Variants in ERC1 observed in about 807,000 individuals in gnomAD.
ERC1 encodes the protein ELKS/RAB6-interacting/CAST family member 1.
ERC1 carries 56 observed loss-of-function variants against 132.0 expected under a neutral mutation model. The observed-to-expected ratio is 0.42, with a 90% confidence interval of 0.34 to 0.53. The LOEUF (loss-of-function observed/expected upper bound fraction) is 0.53. Ranked by LOEUF, ERC1 falls within the 20% of genes least tolerant of loss-of-function variation. The pLI is 0.03. For missense variants in ERC1, 1,202 were observed against 1,349.9 expected (o/e 0.89, Z 1.72); for synonymous variants, 478 against 476.1 (o/e 1.00, Z -0.05).
chr12:1,224,680 T>TA (rs1374145552), intron 12 of ERC1, among the ~76,000 whole-genome samples: 1 of 151,454 alleles, frequency 6.6e-6, no homozygotes, highest in Non-Finnish European at 1.5e-5. Flanking sequence ...AAAAAAATGA[T>TA]AAAAAAGAAA....
intron 15 of ERC1, among the ~76,000 whole-genome samples, chr12:1,316,735 A>G (rs1027399294): frequency 1.3e-5 from 2 of 152,242 alleles, no homozygotes; most frequent in Non-Finnish European, 2.9e-5. Flanking sequence ...ATTACTGGAT[A>G]TATACCCAAA....
chr12:1,039,920 G>A (rs562249201), intron 2 of ERC1, among the ~76,000 whole-genome samples: 1 of 152,150 alleles, frequency 6.6e-6, no homozygotes, highest in East Asian at 1.9e-4. Flanking sequence ...CATCCAGCTC[G>A]ATTTGTGTTT....
chr12:1,267,115 A>G (rs1384184615), intron 14 of ERC1, among the ~76,000 whole-genome samples: 4 of 152,240 alleles, frequency 2.6e-5, no homozygotes, highest in African/African-American at 9.6e-5. Context: ...CGCTGAGCCC[A>G]TGCTAGAAAT....
At chr12:1,187,455 C>T (rs909094311) in intron 11 of ERC1, among the ~76,000 whole-genome samples, 4 of 150,660 alleles carry the variant, frequency 2.7e-5, no homozygotes, top group Admixed American at 6.6e-5. Context: ...TTTGTAGAGG[C>T]GAGGTCCCAT....
intron 6 of ERC1, among the ~76,000 whole-genome samples, chr12:1,113,814 C>T (rs981481647): frequency 3.3e-5 from 5 of 152,106 alleles, no homozygotes; most frequent in African/African-American, 1.2e-4. Flanking sequence ...CAGTGGCATT[C>T]GTATAATTTC....
At chr12:1,485,371 G>A (rs1417527652) in intron 18 of ERC1, among the ~76,000 whole-genome samples, 2 of 150,774 alleles carry the variant, frequency 1.3e-5, no homozygotes, top group African/African-American at 2.5e-5. Flanking sequence ...CGCCTGGCTA[G>A]TTTTTGTATT....
chr12:1,423,703 T>G (rs1418974790), intron 17 of ERC1, among the ~76,000 whole-genome samples: 3 of 152,184 alleles, frequency 2.0e-5, no homozygotes, highest in Non-Finnish European at 4.4e-5. Flanking sequence ...ATCGGAGATT[T>G]TTCTGCTTGT....
At chr12:1,423,558 A>G (rs2092507587) in intron 17 of ERC1, among the ~76,000 whole-genome samples, 1 of 152,242 alleles carries the variant, frequency 6.6e-6, no homozygotes, top group African/African-American at 2.4e-5. Context: ...TAATTGTCAC[A>G]TACAGTGTTC....
intron 2 of ERC1, among the ~76,000 whole-genome samples, chr12:1,065,158 A>T (rs1242531390): frequency 6.6e-6 from 1 of 151,768 alleles, no homozygotes; most frequent in Non-Finnish European, 1.5e-5. Flanking sequence ...GCACCATCAC[A>T]CCCAACTAAT....
chr12:1,137,745 AG>A (rs1949400390), intron 7 of ERC1, among the ~76,000 whole-genome samples: 1 of 151,520 alleles, frequency 6.6e-6, no homozygotes, highest in Non-Finnish European at 1.5e-5. Context: ...CCCAGCTACC[AG>A]GGAGGCTGAG....
At chr12:1,290,068 C>A (rs1025589202) in intron 15 of ERC1, 56 bp downstream of exon 15, 1 of 1,475,062 alleles carries the variant, frequency 6.8e-7, no homozygotes, top group Non-Finnish European at 9.4e-7. Context: ...TACTTTTTCT[C>A]CCTGCATTCA....
intron 15 of ERC1, among the ~76,000 whole-genome samples, chr12:1,323,594 A>G (rs2082256955): frequency 6.6e-6 from 1 of 152,204 alleles, no homozygotes; most frequent in Admixed American, 6.5e-5. Context: ...CACAAATCGT[A>G]ACTAGAATAC....
intron 18 of ERC1, among the ~76,000 whole-genome samples, chr12:1,479,713 CAG>C (rs148015275): frequency 2.0e-5 from 3 of 152,142 alleles, no homozygotes; most frequent in African/African-American, 7.2e-5. Context: ...GGGTTGGAAA[CAG>C]AGTTCACTGA....
intron 1 of ERC1, among the ~76,000 whole-genome samples, chr12:1,004,401 C>CTTTTTTT (rs71055118): frequency 6.0e-4 from 57 of 95,022 alleles, no homozygotes; most frequent in Non-Finnish European, 8.0e-4. Flanking sequence ...TTTTCTTTCT[C>CTTTTTTT]TTTTTTTTTT....
chr12:1,266,512 C>T (rs1022933334), intron 14 of ERC1, among the ~76,000 whole-genome samples: 5 of 142,830 alleles, frequency 3.5e-5, no homozygotes, highest in Admixed American at 7.4e-5. Flanking sequence ...TCAAGCCATT[C>T]TCCTGCCTCA....
At chr12:1,001,573 T>C (rs1314628262) in intron 1 of ERC1, among the ~76,000 whole-genome samples, 1 of 152,190 alleles carries the variant, frequency 6.6e-6, no homozygotes, top group Non-Finnish European at 1.5e-5. Context: ...AGAATCACCT[T>C]CTTTTTTTGT....
chr12:1,148,224 T>C (rs528941693), intron 8 of ERC1, among the ~76,000 whole-genome samples: 49 of 152,232 alleles, frequency 3.2e-4, no homozygotes, highest in Non-Finnish European at 6.5e-4. Flanking sequence ...GCTATAAAGA[T>C]ACTACCTGAG....
At chr12:1,045,470 A>G (rs1276175440) in intron 2 of ERC1, among the ~76,000 whole-genome samples, 1 of 152,092 alleles carries the variant, frequency 6.6e-6, no homozygotes, top group Non-Finnish European at 1.5e-5. Context: ...ATATATCTAG[A>G]CTCTTATAGA....
chr12:1,440,175 CTTTTT>C (rs1168381851), intron 17 of ERC1, among the ~76,000 whole-genome samples: 1 of 144,184 alleles, frequency 6.9e-6, no homozygotes, highest in Admixed American at 6.9e-5. Flanking sequence ...GAATTTCATT[CTTTTT>C]TAAGTTTTCT....
Sources: allele counts gnomAD v4.1 joint callset (sites outside exome capture counted in the v4.1 genomes callset), GRCh38; gene constraint gnomAD v4.1.1; transcripts MANE v1.5; gene names NCBI Gene and HGNC (gene_info 2026-07-23, HGNC 2026-07-21).